Variants in SDK1 observed in about 807,000 individuals in gnomAD.
SDK1 encodes the protein protein sidekick-1.
A neutral mutation model predicts 245.5 loss-of-function variants in SDK1; 157 were observed. That is an observed-to-expected ratio of 0.64 (90% confidence interval 0.56 to 0.73). SDK1 has a LOEUF of 0.73. SDK1 is among the 30% of genes least tolerant of loss of function. The pLI is 0.00. For missense variants in SDK1, 3,583 were observed against 3,002.3 expected (o/e 1.19, Z -4.52); for synonymous variants, 1,647 against 1,278.5 (o/e 1.29, Z -6.15).
intron 44 of SDK1, among the ~76,000 whole-genome samples, chr7:4,254,412 T>C (rs1385445647): frequency 1.3e-5 from 2 of 152,218 alleles, no homozygotes; most frequent in South Asian, 2.1e-4. Context: ...GCCTATCTAA[T>C]GAATTTTAAA....
At chr7:3,954,044 CAG>C (rs1251339108) in intron 7 of SDK1, among the ~76,000 whole-genome samples, 3 of 152,104 alleles carry the variant, frequency 2.0e-5, no homozygotes, top group Non-Finnish European at 4.4e-5. Flanking sequence ...AGGCCAAAGA[CAG>C]AGAAACAAAT....
At chr7:3,456,020 C>G (rs75714524) in intron 1 of SDK1, among the ~76,000 whole-genome samples, 1,854 of 152,226 alleles carry the variant, frequency 0.012, 19 homozygotes, top group Non-Finnish European at 0.015. Flanking sequence ...TCATGGTTGA[C>G]AGTCCTTTTC....
chr7:3,535,755 G>C (rs1048300050), intron 1 of SDK1, among the ~76,000 whole-genome samples: 4 of 152,034 alleles, frequency 2.6e-5, no homozygotes, highest in Non-Finnish European at 5.9e-5. Context: ...ATAAATACAT[G>C]TAGTTAAAAC....
At chr7:3,808,102 T>G (rs966846573) in intron 4 of SDK1, among the ~76,000 whole-genome samples, 3 of 152,144 alleles carry the variant, frequency 2.0e-5, no homozygotes, top group African/African-American at 7.2e-5. Flanking sequence ...TGTTAACCCC[T>G]GGTTGCTGCA....
At chr7:4,033,859 A>G (rs1350929999) in intron 17 of SDK1, among the ~76,000 whole-genome samples, 1 of 152,204 alleles carries the variant, frequency 6.6e-6, no homozygotes, top group African/African-American at 2.4e-5. Flanking sequence ...TACAACCCCT[A>G]ATTAATTCAA....
chr7:3,330,079 CT>C (rs796103132), intron 1 of SDK1, among the ~76,000 whole-genome samples: 2 of 152,016 alleles, frequency 1.3e-5, no homozygotes, highest in South Asian at 2.1e-4. Flanking sequence ...TATATGTCAC[CT>C]TTTTTTTCCC....
intron 4 of SDK1, among the ~76,000 whole-genome samples, chr7:3,718,275 G>A (rs1294141647): frequency 1.3e-5 from 2 of 152,042 alleles, no homozygotes; most frequent in Non-Finnish European, 2.9e-5. Flanking sequence ...CGAGATGGGT[G>A]GAATCACTTG....
chr7:3,960,342 C>T (rs116786377), intron 8 of SDK1, among the ~76,000 whole-genome samples: 1,638 of 152,328 alleles, frequency 0.011, 26 homozygotes, highest in South Asian at 0.044. Flanking sequence ...GACCCAAACG[C>T]AAATCTGTCA....
At chr7:3,405,172 A>C (rs1583809929) in intron 1 of SDK1, among the ~76,000 whole-genome samples, 1 of 142,828 alleles carries the variant, frequency 7.0e-6, no homozygotes, top group African/African-American at 2.9e-5. Context: ...AAAAAAAAAC[A>C]AAAACAAAAA....
chr7:4,147,951 G>A (rs745312869), intron 29 of SDK1, among the ~76,000 whole-genome samples: 1 of 151,934 alleles, frequency 6.6e-6, no homozygotes, highest in Non-Finnish European at 1.5e-5. Flanking sequence ...TTATTTCCCC[G>A]TGTCCTGCCC....
intron 5 of SDK1, among the ~76,000 whole-genome samples, chr7:3,892,422 G>T (rs1306730906): frequency 1.3e-5 from 2 of 152,184 alleles, no homozygotes; most frequent in African/African-American, 4.8e-5. Context: ...CGGAGGGGAA[G>T]CGGGAACCCC....
In SDK1 at chr7:4,227,865, G is replaced by A. The variant is rs74371468; in HGVS notation, c.5828-5390G>A. Among the ~76,000 whole-genome samples, 44 of 152,340 alleles carry A rather than the reference G, an allele frequency of 2.9e-4. No homozygotes were observed. The East Asian group carries it at 8.5e-3, about 29-fold the overall frequency. ...ATTAGGACATTGTCTGGGAACAGATGTGCCTCCTACCGCTTGGGCGGGGGG... is the reference window on the plus strand; with the variant it reads ...ATTAGGACATTGTCTGGGAACAGATATGCCTCCTACCGCTTGGGCGGGGGG... On this transcript the variant is annotated intron_variant, in intron 40 of 44. Transcript: ENST00000404826.
intron 37 of SDK1, among the ~76,000 whole-genome samples, chr7:4,208,590 G>C (rs996914128): frequency 6.6e-6 from 1 of 152,174 alleles, no homozygotes; most frequent in Admixed American, 6.5e-5. Context: ...GCAAGGCCTC[G>C]TTCATAACTG....
At chr7:4,216,989 C>A (rs1285341827) in intron 38 of SDK1, among the ~76,000 whole-genome samples, 3 of 146,788 alleles carry the variant, frequency 2.0e-5, no homozygotes, top group Admixed American at 6.8e-5. Context: ...AGCACCACAC[C>A]ACCCGGAGCA....
chr7:3,587,993 A>G (rs941175038), intron 1 of SDK1, among the ~76,000 whole-genome samples: 1 of 152,242 alleles, frequency 6.6e-6, no homozygotes, highest in Admixed American at 6.5e-5. Flanking sequence ...GCTCTTGAAA[A>G]GCTGCGGGTA....
chr7:3,544,090 T>C (rs1779135802), intron 1 of SDK1, among the ~76,000 whole-genome samples: 2 of 152,220 alleles, frequency 1.3e-5, no homozygotes, highest in Non-Finnish European at 1.5e-5. Flanking sequence ...CTAAAGGCCT[T>C]TCTCCTTAGG....
chr7:3,578,321 A>G (rs1780367035), intron 1 of SDK1, among the ~76,000 whole-genome samples: 1 of 152,054 alleles, frequency 6.6e-6, no homozygotes, highest in Non-Finnish European at 1.5e-5. Flanking sequence ...GTAGGTCACA[A>G]AGATCACATG....
At chr7:3,691,889 A>G (rs1265030286) in intron 4 of SDK1, among the ~76,000 whole-genome samples, 1 of 152,144 alleles carries the variant, frequency 6.6e-6, no homozygotes, top group African/African-American at 2.4e-5. Flanking sequence ...GTCTTTAAGA[A>G]GGTAATAGCT....
chr7:3,434,747 C>T (rs1056587454), intron 1 of SDK1, among the ~76,000 whole-genome samples: 4 of 152,088 alleles, frequency 2.6e-5, no homozygotes, highest in African/African-American at 4.8e-5. Context: ...TTAACCCAGG[C>T]CTATCTGCTT....
Sources: allele counts gnomAD v4.1 joint callset (sites outside exome capture counted in the v4.1 genomes callset), GRCh38; gene constraint gnomAD v4.1.1; transcripts MANE v1.5; gene names NCBI Gene and HGNC (gene_info 2026-07-23, HGNC 2026-07-21).